CFAP221: variants seen among roughly 807,000 people sequenced by gnomAD.
CFAP221 encodes the protein cilia and flagella associated protein 221.
In CFAP221, 97 loss-of-function variants were observed where a neutral mutation model predicts 113.1. The ratio of observed to expected loss-of-function variants is 0.86; its 90% CI spans 0.73 to 1.02. The LOEUF is 1.02. Among genes scored for constraint, CFAP221 ranks in the 50% least tolerant of loss-of-function variants. The pLI, the probability that CFAP221 is intolerant of heterozygous loss-of-function variation, is 0.00. For synonymous variants in CFAP221, 331 were observed against 354.4 expected, an observed-to-expected ratio of 0.93 and a Z score of 0.74; for missense variants, 1,025 against 1,013.4, an observed-to-expected ratio of 1.01 and a Z score of -0.16.
At chr2:119,621,597 C>A (rs1488118565) in intron 14 of CFAP221, among the ~76,000 whole-genome samples, 3 of 152,206 alleles carry the variant, frequency 2.0e-5, no homozygotes, top group African/African-American at 7.2e-5. Flanking sequence ...ACATTCTTCT[C>A]AGCACCACAT....
Position 119,652,074 on chromosome 2 carries a change from G to A in CFAP221, c.2414+5G>A. Reference sequence around the variant, plus strand: ...CAAGGACATCAGGAAGGAGAAGTAAGTGGATGCTTTTATGCCTTATTAAAA... The same window carrying A: ...CAAGGACATCAGGAAGGAGAAGTAAATGGATGCTTTTATGCCTTATTAAAA... On this transcript the variant is annotated splice_donor_5th_base_variant and intron_variant, in intron 23 of 23. Coordinates refer to ENST00000413369, the MANE Select transcript of CFAP221 (RefSeq NM_001271049.2). 1 of 1,604,542 alleles carries A rather than the reference G, an allele frequency of 6.2e-7. No homozygotes were observed. Among genetic ancestry groups the A allele is most frequent in the Non-Finnish European group, 8.5e-7 (1 of 1,172,048 alleles).
At chr2:119,639,939 C>T in intron 21 of CFAP221, 67 bp downstream of exon 21, 1 of 1,366,942 alleles carries the variant, frequency 7.3e-7, no homozygotes, top group Non-Finnish European at 1.0e-6. Flanking sequence ...CAATGATCCC[C>T]AAAAGTTAAA....
intron 2 of CFAP221, 37 bp downstream of exon 2, chr2:119,546,307 C>G (rs779203426): frequency 6.6e-7 from 1 of 1,525,248 alleles, no homozygotes; most frequent in Non-Finnish European, 8.7e-7. Flanking sequence ...TTACAGCTCA[C>G]ATCTTCCCAG....
intron 13 of CFAP221, 126 bp downstream of exon 13, chr2:119,611,868 A>G (rs1001213381): frequency 3.9e-6 from 3 of 761,674 alleles, no homozygotes; most frequent in Non-Finnish European, 4.4e-6. Flanking sequence ...TAATTTGCAT[A>G]CATTTTCAGA....
At chr2:119,581,760 G>A (rs565000794) in intron 6 of CFAP221, among the ~76,000 whole-genome samples, 3 of 152,170 alleles carry the variant, frequency 2.0e-5, no homozygotes, top group South Asian at 2.1e-4. Flanking sequence ...ACCTAGACAC[G>A]TAAGAGTCAA....
At chr2:119,565,857 T>A (rs912157130) in intron 6 of CFAP221, among the ~76,000 whole-genome samples, 16 of 152,206 alleles carry the variant, frequency 1.1e-4, no homozygotes, top group African/African-American at 3.9e-4. Context: ...CGTTTTCAGC[T>A]AAAGTGTTTT....
rs998462886 is a variant in CFAP221, at chr2:119,597,666, G to A, written c.632-3552G>A. On this transcript the variant is annotated intron_variant, in intron 7 of 23. Transcript: ENST00000413369. ...GAAAAGCAGAAATTTACCGAAAAAC[G>A]AAAGCGTACTCCACAGGGTGGGAGC... Among the ~76,000 whole-genome samples, 6 of 152,114 alleles carry A rather than the reference G, an allele frequency of 3.9e-5. No individual in the cohort carries two copies. The East Asian group carries it at 5.8e-4, about 15-fold the overall frequency.
chr2:119,587,007 A>C, intron 6 of CFAP221, 112 bp from the exon 7 acceptor site: 4 of 708,902 alleles, frequency 5.6e-6, no homozygotes, highest in South Asian at 4.7e-5. Flanking sequence ...CCAGATCAGC[A>C]TTGGCAGTCA....
At chr2:119,562,229 G>C in intron 6 of CFAP221, 115 bp downstream of exon 6, 1 of 501,032 alleles carries the variant, frequency 2.0e-6, no homozygotes, top group East Asian at 4.6e-5. Flanking sequence ...ACCTGAAATA[G>C]ACTGGACTTG....
chr2:119,606,843 C>T (rs1180147877), intron 11 of CFAP221, among the ~76,000 whole-genome samples: 1 of 152,094 alleles, frequency 6.6e-6, no homozygotes, highest in East Asian at 1.9e-4. Context: ...ATACACTTGA[C>T]CTCGGTTCAC....
At chr2:119,604,309 A>G (rs1007370660) in intron 8 of CFAP221, among the ~76,000 whole-genome samples, 1 of 152,008 alleles carries the variant, frequency 6.6e-6, no homozygotes, top group Non-Finnish European at 1.5e-5. Flanking sequence ...TGGTGCACGC[A>G]TGTAGTCCCA....
Position 119,561,988 on chromosome 2 carries a change from A to G in CFAP221, c.427-26A>G, listed in dbSNP as rs553033446. 32 of 1,455,846 alleles carry G rather than the reference A, an allele frequency of 2.2e-5. No individual in the cohort carries two copies. In the African/African-American group the frequency reaches 3.4e-4, roughly 15 times the overall value. The allele number at this position is 1,455,846 out of a possible 1,614,324, so 90.2% of individuals were successfully genotyped here. On this transcript the variant is annotated intron_variant, in intron 5 of 23. Transcript: ENST00000413369. ...AAAGTTGTAGTCTTCAGAATGTTAA[A>G]CTTGACTTTTTCTGGTTAATTTTAG...
At chr2:119,579,452 C>A (rs186513748) in intron 6 of CFAP221, among the ~76,000 whole-genome samples, 1 of 152,218 alleles carries the variant, frequency 6.6e-6, no homozygotes, top group Admixed American at 6.5e-5. Flanking sequence ...TTCATATTAG[C>A]CAAAATTCCT....
At chr2:119,607,001 C>T (rs1244860928) in intron 11 of CFAP221, among the ~76,000 whole-genome samples, 1 of 152,114 alleles carries the variant, frequency 6.6e-6, no homozygotes, top group Non-Finnish European at 1.5e-5. Flanking sequence ...TATGTAGCTC[C>T]TAAGAACAAA....
chr2:119,632,701 C>CA (rs34915791), intron 19 of CFAP221, among the ~76,000 whole-genome samples: 1,120 of 109,600 alleles, frequency 0.01, 15 homozygotes, highest in African/African-American at 0.029. Flanking sequence ...TCTTTATTTA[C>CA]AAAAAAAAAA....
At chr2:119,605,635 C>A (rs138279444) in intron 11 of CFAP221, among the ~76,000 whole-genome samples, 1 of 152,322 alleles carries the variant, frequency 6.6e-6, no homozygotes, top group East Asian at 1.9e-4. Flanking sequence ...GCCCCTGTGC[C>A]TTGGGCTGTG....
intron 14 of CFAP221, among the ~76,000 whole-genome samples, chr2:119,624,668 C>T (rs1034664599): frequency 3.9e-5 from 6 of 152,208 alleles, no homozygotes; most frequent in Non-Finnish European, 8.8e-5. Context: ...GGCACATATA[C>T]ACCATGGAAT....
intron 13 of CFAP221, among the ~76,000 whole-genome samples, chr2:119,614,844 T>C (rs761353153): frequency 1.3e-5 from 2 of 152,262 alleles, no homozygotes; most frequent in Non-Finnish European, 2.9e-5. Context: ...ATATCTGAAT[T>C]ATTTTTACCA....
At chr2:119,559,570 A>G (rs1169749573) in intron 3 of CFAP221, 119 bp from the exon 4 acceptor site, 5 of 795,122 alleles carry the variant, frequency 6.3e-6, no homozygotes, top group Non-Finnish European at 8.0e-6. Context: ...AATATTTTGA[A>G]AAGTTAAATA....
Sources: allele counts gnomAD v4.1 joint callset (sites outside exome capture counted in the v4.1 genomes callset), GRCh38; gene constraint gnomAD v4.1.1; transcripts MANE v1.5; gene names NCBI Gene and HGNC (gene_info 2026-07-23, HGNC 2026-07-21).